ALCAM: variants seen among roughly 807,000 people sequenced by gnomAD.
ALCAM encodes CD166 antigen.
Under a neutral mutation model 70.9 loss-of-function variants are expected in ALCAM, and 30 were observed. The ratio of observed to expected loss-of-function variants is 0.42; its 90% CI spans 0.32 to 0.57. The LOEUF is 0.57. ALCAM is among the 20% of genes least tolerant of loss of function. The probability of loss-of-function intolerance (pLI) is 0.11; values close to 1 mark genes in which losing one functional copy is unlikely to be tolerated. For synonymous variants in ALCAM, 249 were observed against 242.5 expected (o/e 1.03, Z -0.25); for missense variants, 591 against 695.1 (o/e 0.85, Z 1.68).
intron 1 of ALCAM, among the ~76,000 whole-genome samples, chr3:105,437,824 C>A (rs1043282336): frequency 2.0e-5 from 3 of 151,940 alleles, no homozygotes; most frequent in Non-Finnish European, 2.9e-5. Context: ...CTATTCTATA[C>A]AAATTAGAAG....
At chr3:105,408,230 CA>C (rs1936298377) in intron 1 of ALCAM, among the ~76,000 whole-genome samples, 1 of 151,226 alleles carries the variant, frequency 6.6e-6, no homozygotes, top group Non-Finnish European at 1.5e-5. Flanking sequence ...TCATATGAAA[CA>C]AAAAAAGAGC....
intron 1 of ALCAM, among the ~76,000 whole-genome samples, chr3:105,445,582 C>T (rs1270749764): frequency 6.6e-6 from 1 of 152,120 alleles, no homozygotes; most frequent in East Asian, 1.9e-4. Flanking sequence ...TCAAAATACA[C>T]TACAAAGCTA....
chr3:105,457,943 T>C (rs1361331967), intron 1 of ALCAM, among the ~76,000 whole-genome samples: 1 of 152,138 alleles, frequency 6.6e-6, no homozygotes, highest in Non-Finnish European at 1.5e-5. Flanking sequence ...TAGTTACCTT[T>C]CTCCTCCATA....
At chr3:105,387,105 A>G (rs1166418651) in intron 1 of ALCAM, among the ~76,000 whole-genome samples, 1 of 151,608 alleles carries the variant, frequency 6.6e-6, no homozygotes, top group Non-Finnish European at 1.5e-5. Flanking sequence ...AATCTTTAGA[A>G]TAACTGAGGA....
At chr3:105,531,712 C>A (rs536725463) in intron 3 of ALCAM, among the ~76,000 whole-genome samples, 1 of 151,988 alleles carries the variant, frequency 6.6e-6, no homozygotes, top group Admixed American at 6.6e-5. Flanking sequence ...AGGACATTAG[C>A]CCCTGTTTCA....
intron 1 of ALCAM, among the ~76,000 whole-genome samples, chr3:105,409,056 G>A (rs1289251254): frequency 6.6e-6 from 1 of 152,028 alleles, no homozygotes; most frequent in Non-Finnish European, 1.5e-5. Flanking sequence ...AATTGATGTT[G>A]GAATGGATGC....
intron 1 of ALCAM, among the ~76,000 whole-genome samples, chr3:105,407,833 T>C (rs1936282551): frequency 6.6e-6 from 1 of 152,094 alleles, no homozygotes; most frequent in African/African-American, 2.4e-5. Context: ...ATTAAGATCC[T>C]AGAACTGGTA....
chr3:105,489,450 C>T (rs1214611322), intron 1 of ALCAM, among the ~76,000 whole-genome samples: 2 of 151,940 alleles, frequency 1.3e-5, no homozygotes, highest in Non-Finnish European at 2.9e-5. Flanking sequence ...TGATAGTTAT[C>T]CAGAACTAGT....
rs184430757 is a variant in ALCAM, at chr3:105,422,490, A to G, written c.73+55009A>G. Among the ~76,000 whole-genome samples, 3 of 151,392 alleles carry G rather than the reference A, an allele frequency of 2.0e-5. No individual in the cohort carries two copies. In the Admixed American group the frequency reaches 2.0e-4, roughly 10 times the overall value. On this transcript the variant is annotated intron_variant, in intron 1 of 15. Transcript: ENST00000306107. ...CCAATTAAAGTTTCTGATTTTTTGC[A>G]TTGCCCCTGAGATATTTTATAGCCT...
intron 3 of ALCAM, among the ~76,000 whole-genome samples, chr3:105,527,928 GGAAGCAGAA>G (rs1939747378): frequency 6.8e-6 from 1 of 146,174 alleles, no homozygotes; most frequent in Non-Finnish European, 1.5e-5. Flanking sequence ...TGAGGGGGGA[GGAAGCAGAA>G]AATGTTCTGT....
chr3:105,541,149 CCTCT>C (rs1940105227), intron 7 of ALCAM, among the ~76,000 whole-genome samples: 1 of 149,060 alleles, frequency 6.7e-6, no homozygotes, highest in Admixed American at 6.7e-5. Flanking sequence ...TTTTTCTTCT[CCTCT>C]CTCTCTTCCT....
chr3:105,501,720 A>G (rs1938927061), intron 1 of ALCAM, among the ~76,000 whole-genome samples: 2 of 152,198 alleles, frequency 1.3e-5, no homozygotes, highest in South Asian at 4.1e-4. Context: ...CCCTATTTAA[A>G]TGAAACAGTA....
intron 14 of ALCAM, 174 bp downstream of exon 14, chr3:105,552,759 G>A: frequency 7.0e-7 from 1 of 1,430,318 alleles, no homozygotes; most frequent in Non-Finnish European, 9.2e-7. Flanking sequence ...CACTGCCTTT[G>A]TCAGGGACAT....
At chr3:105,471,783 A>G (rs1382085655) in intron 1 of ALCAM, among the ~76,000 whole-genome samples, 1 of 151,348 alleles carries the variant, frequency 6.6e-6, no homozygotes, top group African/African-American at 2.4e-5. Context: ...TCACATAGTT[A>G]TCATTTTTAT....
intron 1 of ALCAM, among the ~76,000 whole-genome samples, chr3:105,479,079 G>A (rs1375802018): frequency 1.3e-5 from 2 of 152,088 alleles, no homozygotes; most frequent in East Asian, 3.8e-4. Flanking sequence ...TGATAGAAGT[G>A]TATCTAAAAT....
rs534326131 is a variant in ALCAM, at chr3:105,548,930, C to T, written c.1375-1197C>T. On this transcript the variant is annotated intron_variant, in intron 11 of 15. Transcript: ENST00000306107. ...AAAGAACCTTTAGGTACTGGTAATA[C>T]AGACATAGAAAACAGAAACATAAGC... Among the ~76,000 whole-genome samples, 7 of 151,346 alleles carry T rather than the reference C, an allele frequency of 4.6e-5. No homozygotes were observed. The South Asian group carries it at 1.5e-3, about 31-fold the overall frequency.
chr3:105,519,773 T>C (rs1190845713), intron 1 of ALCAM, among the ~76,000 whole-genome samples: 1 of 152,168 alleles, frequency 6.6e-6, no homozygotes, highest in Non-Finnish European at 1.5e-5. Context: ...GATTCCACGA[T>C]GTTCCTTTGG....
chr3:105,438,848 G>A (rs1405800507), intron 1 of ALCAM, among the ~76,000 whole-genome samples: 8 of 151,938 alleles, frequency 5.3e-5, no homozygotes, highest in African/African-American at 1.7e-4. Context: ...CTCTACCCTG[G>A]GCCACAGAGT....
At position 105,524,467 on chromosome 3, in the gene ALCAM, A is replaced by C; in HGVS notation, c.353A>C (p.Glu118Ala). 1 of 1,614,116 alleles carries C rather than the reference A, an allele frequency of 6.2e-7. No homozygotes were observed. Among genetic ancestry groups the C allele is most frequent in the Non-Finnish European group, 8.5e-7 (1 of 1,179,972 alleles). Reference sequence around the variant, plus strand: ...AGATTTGTGTGCATGCTAGTAACTGAGGACAACGTGTTTGAGGCACCTACA... The same window carrying C: ...AGATTTGTGTGCATGCTAGTAACTGCGGACAACGTGTTTGAGGCACCTACA... Reference protein sequence around the residue: ...EKRFVCMLVTEDNVFEAPTIV... With the variant: ...EKRFVCMLVTADNVFEAPTIV... Residue 118 changes from glutamate to alanine, a missense_variant, in exon 3 of 16, where the codon GAG (glutamate) becomes GCG (alanine). Around this residue, in one of 2 missense-constraint regions of ALCAM, gnomAD observed 427 missense variants for 450.4 expected, o/e 0.95. Coordinates refer to ENST00000306107, the MANE Select transcript of ALCAM (RefSeq NM_001627.4).
Sources: gnomAD v4.1 joint callset for allele counts (sites outside exome capture counted in the v4.1 genomes callset) on GRCh38, gnomAD v4.1.1 for gene constraint, gnomAD v4.1.1 regional missense constraint, MANE v1.5 for transcripts, NCBI Gene and HGNC (gene_info 2026-07-23, HGNC 2026-07-21) for gene names.